Variants in MOB3A observed in about 807,000 individuals in gnomAD.
MOB3A encodes MOB kinase activator 3A.
In MOB3A, 17 loss-of-function variants were observed where a neutral mutation model predicts 17.8. The observed-to-expected ratio is 0.95, with a 90% confidence interval of 0.65 to 1.43. The LOEUF (loss-of-function observed/expected upper bound fraction) is 1.43. Among genes scored for constraint, MOB3A ranks in the 40% most tolerant of loss-of-function variants. The pLI is 0.00. For synonymous variants in MOB3A, 124 were observed against 133.2 expected, an observed-to-expected ratio of 0.93 and a Z score of 0.48; for missense variants, 333 against 310.8, an observed-to-expected ratio of 1.07 and a Z score of -0.54.
chr19:2,073,274 G>C lies in MOB3A; in HGVS notation c.*121C>G, dbSNP rs1239008639. On this transcript the variant is annotated 3_prime_UTR_variant, in exon 5 of 5. Transcript: ENST00000357066. ...AGGACCAACACCTGCTCAGCGGCTCGGCCCCTGGTCTCCCTGAGATGCTCA... is the reference window on the plus strand; with the variant it reads ...AGGACCAACACCTGCTCAGCGGCTCCGCCCCTGGTCTCCCTGAGATGCTCA... 94 of 1,291,050 alleles carry C rather than the reference G, an allele frequency of 7.3e-5. No homozygotes were observed. Among genetic ancestry groups the C allele is most frequent in the Non-Finnish European group, 1.1e-6 (1 of 908,598 alleles). 80.0% of individuals were successfully genotyped at this position (1,291,050 alleles called of 1,614,324 possible).
chr19:2,091,727 G>C (rs968483010), intron 1 of MOB3A, among the ~76,000 whole-genome samples: 1 of 151,554 alleles, frequency 6.6e-6, no homozygotes, highest in Non-Finnish European at 1.5e-5. Flanking sequence ...GCCGGGGTGC[G>C]GTGGCTCATG....
chr19:2,091,445 G>A (rs543071415), intron 1 of MOB3A, among the ~76,000 whole-genome samples: 6 of 152,002 alleles, frequency 3.9e-5, no homozygotes, highest in African/African-American at 9.6e-5. Flanking sequence ...GTGCAGTGGC[G>A]CAATCTCGGC....
intron 3 of MOB3A, 79 bp from the exon 4 acceptor site, chr19:2,077,092 G>C (rs2017421124): frequency 7.7e-7 from 1 of 1,305,104 alleles, no homozygotes; most frequent in Non-Finnish European, 1.1e-6. Flanking sequence ...GATGTGACAA[G>C]GGGCTTCCAG....
chr19:2,089,441 T>G (rs1442180838), intron 1 of MOB3A, among the ~76,000 whole-genome samples: 3 of 152,056 alleles, frequency 2.0e-5, no homozygotes, highest in Non-Finnish European at 4.4e-5. Context: ...CACTGCAGGG[T>G]GCTGAGCAGC....
At chr19:2,087,133 A>G (rs896588406) in intron 1 of MOB3A, among the ~76,000 whole-genome samples, 26 of 152,328 alleles carry the variant, frequency 1.7e-4, no homozygotes, top group African/African-American at 6.3e-4. Context: ...GGCAGGAAGC[A>G]AGGCCTGCCC....
At chr19:2,077,129 G>C (rs565100306) in intron 3 of MOB3A, 116 bp from the exon 4 acceptor site, 1 of 851,142 alleles carries the variant, frequency 1.2e-6, no homozygotes, top group South Asian at 1.6e-5. Flanking sequence ...GATCGGGCGC[G>C]GTGGCTGACG....
rs181529499 is a variant in MOB3A at position 2,093,954 on chromosome 19, G to C, written c.-274+2272C>G. On this transcript the variant is annotated intron_variant, in intron 1 of 4. Coordinates refer to ENST00000357066, the MANE Select transcript of MOB3A (RefSeq NM_130807.3). This position sits in a 1 kb window ranked among gnomAD's most constrained non-coding sequence, Gnocchi z 4.6. Reference sequence around the variant, plus strand: ...CCCTGACAACTGCGGTTAAGAACCCGGCTTCTGGAAGTTCTCAGGGCTGCA... The same window carrying C: ...CCCTGACAACTGCGGTTAAGAACCCCGCTTCTGGAAGTTCTCAGGGCTGCA... Among the ~76,000 whole-genome samples, 2 of 151,878 alleles carry C rather than the reference G, an allele frequency of 1.3e-5. No homozygotes were observed. Among genetic ancestry groups the C allele is most frequent in the Non-Finnish European group, 2.9e-5 (2 of 68,006 alleles).
intron 4 of MOB3A, 52 bp downstream of exon 4, chr19:2,076,758 AC>A: frequency 6.3e-7 from 1 of 1,576,636 alleles, no homozygotes; most frequent in Non-Finnish European, 8.6e-7. Context: ...TTCCTCTGCC[AC>A]GGGCCACCAG....
chr19:2,074,601 G>A (rs2017380545), intron 4 of MOB3A, among the ~76,000 whole-genome samples: 1 of 151,182 alleles, frequency 6.6e-6, no homozygotes, highest in Non-Finnish European at 1.5e-5. Flanking sequence ...CATTCAGGCT[G>A]GAGAGCTGTG....
At chr19:2,089,921 T>A (rs2017594141) in intron 1 of MOB3A, among the ~76,000 whole-genome samples, 1 of 151,640 alleles carries the variant, frequency 6.6e-6, no homozygotes, top group African/African-American at 2.4e-5. Flanking sequence ...CCTCTAGTTG[T>A]GACAAACACA....
intron 2 of MOB3A, among the ~76,000 whole-genome samples, chr19:2,081,315 T>C (rs140563302): frequency 0.02 from 2,983 of 152,070 alleles, 65 homozygotes; most frequent in African/African-American, 0.052. Context: ...AGGCCGGGCG[T>C]GGTGGCTCAC....
chr19:2,081,317 G>A (rs1178325701), intron 2 of MOB3A, among the ~76,000 whole-genome samples: 1 of 152,230 alleles, frequency 6.6e-6, no homozygotes, highest in Non-Finnish European at 1.5e-5. Flanking sequence ...GCCGGGCGTG[G>A]TGGCTCACGC....
At chr19:2,077,124 G>C (rs1213447333) in intron 3 of MOB3A, 111 bp from the exon 4 acceptor site, 3 of 936,284 alleles carry the variant, frequency 3.2e-6, no homozygotes, top group African/African-American at 3.3e-5. Flanking sequence ...TGGCAGATCG[G>C]GCGCGGTGGC....
At chr19:2,089,627 G>A (rs907023762) in intron 1 of MOB3A, among the ~76,000 whole-genome samples, 4 of 151,972 alleles carry the variant, frequency 2.6e-5, no homozygotes, top group African/African-American at 9.7e-5. Flanking sequence ...CCTCTGCTCT[G>A]CTGAGGTCCC....
Position 2,078,180 on chromosome 19 carries a change from C to A in MOB3A, c.381G>T (p.Glu127Asp). 1.3e-6 allele frequency: 2 copies of A among 1,598,998 alleles called. No homozygotes were observed. The highest frequency in any genetic ancestry group is 1.1e-5 in the South Asian group (1 of 90,284). ...RYMDLLMDWI[E>D]AQINNEDLFP... ...AGAGGTCCTCGTTGTTGATCTGCGC[C>A]TCGATCCAGTCCATCAGCAGGTCCA... Residue 127 changes from glutamate to aspartate, a missense_variant, in exon 3 of 5, where the codon GAG (glutamate) becomes GAT (aspartate). Physicochemically the swap from Glu to Asp is conservative, Grantham distance 45. Transcript: ENST00000357066.
At chr19:2,088,960 A>G (rs2144936295) in intron 1 of MOB3A, among the ~76,000 whole-genome samples, 1 of 152,304 alleles carries the variant, frequency 6.6e-6, no homozygotes, top group African/African-American at 2.4e-5. Context: ...ACTAGTTAGT[A>G]CACAGTGACT....
At chr19:2,076,561 A>T (rs1163348575) in intron 4 of MOB3A, among the ~76,000 whole-genome samples, 1 of 152,170 alleles carries the variant, frequency 6.6e-6, no homozygotes, top group Non-Finnish European at 1.5e-5. Context: ...AGGCGGAGTG[A>T]GCTGGACGCG....
At chr19:2,090,422 C>T (rs935011936) in intron 1 of MOB3A, among the ~76,000 whole-genome samples, 1 of 152,140 alleles carries the variant, frequency 6.6e-6, no homozygotes, top group Non-Finnish European at 1.5e-5. Context: ...CCCCTCAACA[C>T]CGGACGATGT....
rs576174515 is a variant in MOB3A at position 2,076,998 on chromosome 19, T to C, written c.437A>G (p.Lys146Arg). ...FPTNVGTPFP[K>R]NFLQTVRKIL... Reference sequence around the variant, plus strand: ...CTTCCGCACCGTCTGCAGGAAGTTCTTGGGAAACGGAGTGCCTGCAGGGAG... The same window carrying C: ...CTTCCGCACCGTCTGCAGGAAGTTCCTGGGAAACGGAGTGCCTGCAGGGAG... The change falls in exon 4 of 5, where the codon AAG (lysine) becomes AGG (arginine). Residue 146 changes from lysine (K) to arginine (R), a missense_variant. Lys to Arg is a conservative substitution (Grantham distance 26). Transcript: ENST00000357066. The C allele has an allele frequency of 9.3e-6, 15 of 1,613,214 alleles. No individual in the cohort carries two copies. The highest frequency in any genetic ancestry group is 1.3e-5 in the Non-Finnish European group (15 of 1,179,842).
Sources: allele counts gnomAD v4.1 joint callset (sites outside exome capture counted in the v4.1 genomes callset), GRCh38; gene constraint gnomAD v4.1.1; non-coding constraint Gnocchi (gnomAD v3.1); transcripts MANE v1.5; gene names NCBI Gene and HGNC (gene_info 2026-07-23, HGNC 2026-07-21).